The following TBCE variants were observed in gnomAD, a reference collection of about 807,000 sequenced individuals.
TBCE encodes tubulin folding cofactor E, also known as tubulin-specific chaperone E.
A neutral mutation model predicts 77.0 loss-of-function variants in TBCE; 53 were observed. That is an observed-to-expected ratio of 0.69 (90% CI 0.55 to 0.87). TBCE has a LOEUF of 0.87. Among genes scored for constraint, TBCE ranks in the 40% least tolerant of loss-of-function variants. The pLI is 0.00. For missense variants in TBCE, 624 were observed against 622.4 expected, an observed-to-expected ratio of 1.00 and a Z score of -0.03; for synonymous variants, 235 against 241.3, an observed-to-expected ratio of 0.97 and a Z score of 0.24.
chr1:235,427,223 G>C lies in TBCE; in HGVS notation c.544G>C (p.Glu182Gln), dbSNP rs1278817828. The change falls in exon 6 of 17, where the codon GAA becomes CAA. Residue 182 changes from glutamate (E) to glutamine (Q), a missense_variant. Transcript: ENST00000642610. ...IHIADQLRHL[E>Q]VLNVSENKLK... is the part of the protein sequence containing the mutation. ...CATTGCTGATCAGCTCAGACACCTG[G>C]AAGTCCTTAATGTCAGGTATGAACT... The C allele has an allele frequency of 1.2e-6, 2 of 1,612,716 alleles. No homozygotes were observed. The highest frequency in any genetic ancestry group is 1.7e-6 in the Non-Finnish European group (2 of 1,179,034).
At chr1:235,387,532 G>A (rs543330711) in intron 2 of TBCE, among the ~76,000 whole-genome samples, 29 of 152,320 alleles carry the variant, frequency 1.9e-4, no homozygotes, top group Non-Finnish European at 3.5e-4. Flanking sequence ...CCGCGCTGCT[G>A]CCTTGCAGTT....
Position 235,390,089 on chromosome 1 carries a change from C to A in TBCE, c.100+9940C>A, listed in dbSNP as rs143872455. On this transcript the variant is annotated intron_variant, in intron 2 of 16. Transcript: ENST00000642610. ...TGCAGTGAGACGAAATGGCATCACT[C>A]CATTCCAGCCTGGGTGACAGAGTAA... Among the ~76,000 whole-genome samples the A allele has an allele frequency of 5.9e-3, 894 of 151,576 alleles. 3 individuals carry two copies. The highest frequency in any genetic ancestry group is 7.7e-3 in the Admixed American group (117 of 15,218).
Position 235,448,673 on chromosome 1 carries a change from C to A in TBCE, c.1495C>A (p.Pro499Thr), listed in dbSNP as rs1303393927. 1 of 1,613,260 alleles carries A rather than the reference C, an allele frequency of 6.2e-7. No homozygotes were observed. The highest frequency in any genetic ancestry group is 1.7e-5 in the Admixed American group (1 of 60,006). The part of the protein sequence containing the change: ...LLLSYESPKK[P>T]GREIELENDL... ...CCCACCTTCGTTCTAATTTTAGAAG[C>A]CGGGCAGAGAAATCGAGCTGGAAAA... The change falls in exon 17 of 17, where the codon CCG becomes ACG. Residue 499 changes from proline to threonine, a missense_variant. Physicochemically the swap from Pro to Thr is conservative, Grantham distance 38. Transcript: ENST00000642610.
At chr1:235,405,218 T>C (rs1679347213) in intron 3 of TBCE, among the ~76,000 whole-genome samples, 1 of 151,914 alleles carries the variant, frequency 6.6e-6, no homozygotes, top group Non-Finnish European at 1.5e-5. Context: ...CTGCCTTGGC[T>C]TCCCAAATTG....
chr1:235,401,771 C>G (rs1294248283), intron 3 of TBCE, among the ~76,000 whole-genome samples, 184 bp downstream of exon 3: 4 of 146,720 alleles, frequency 2.7e-5, no homozygotes, highest in Non-Finnish European at 6.0e-5. Context: ...GCATTTTTCC[C>G]TTTTTTAAAA....
chr1:235,368,645 C>T (rs1676714975), intron 1 of TBCE, among the ~76,000 whole-genome samples: 1 of 146,538 alleles, frequency 6.8e-6, no homozygotes, highest in South Asian at 2.1e-4. Context: ...TGCAACCACG[C>T]CTCCCAGGTT....
At chr1:235,433,817 C>A in intron 7 of TBCE, 1 of 184,904 alleles carries the variant, frequency 5.4e-6, no homozygotes, top group Admixed American at 5.7e-5. Flanking sequence ...CTTTACAAAC[C>A]CAGATTGGCA....
At chr1:235,413,682 A>C (rs1031710415) in intron 3 of TBCE, among the ~76,000 whole-genome samples, 1 of 151,740 alleles carries the variant, frequency 6.6e-6, no homozygotes, top group Non-Finnish European at 1.5e-5. Context: ...AAAGAAAAAA[A>C]GTAATGATCG....
chr1:235,444,408 T>C (rs756139754), intron 15 of TBCE, among the ~76,000 whole-genome samples: 30 of 152,166 alleles, frequency 2.0e-4, no homozygotes, highest in African/African-American at 4.8e-5. Context: ...ATTTTTGATA[T>C]ATTTTTTTCA....
At chr1:235,411,134 A>G (rs944593582) in intron 3 of TBCE, among the ~76,000 whole-genome samples, 1 of 152,250 alleles carries the variant, frequency 6.6e-6, no homozygotes, top group Admixed American at 6.5e-5. Flanking sequence ...GCCCAGAATT[A>G]GAATAACATT....
At chr1:235,438,255 T>A (rs1483304340) in intron 12 of TBCE, among the ~76,000 whole-genome samples, 1 of 152,174 alleles carries the variant, frequency 6.6e-6, no homozygotes, top group African/African-American at 2.4e-5. Context: ...CTCGCATGAA[T>A]TAAAAGTGTA....
chr1:235,419,310 T>A (rs1680263857), intron 4 of TBCE, 163 bp from the exon 5 acceptor site: 3 of 1,059,170 alleles, frequency 2.8e-6, no homozygotes, highest in Non-Finnish European at 4.1e-6. Context: ...AGTGCTCTTT[T>A]TCTTTTTTGT....
intron 3 of TBCE, among the ~76,000 whole-genome samples, chr1:235,405,446 G>C (rs183140312): frequency 6.6e-6 from 1 of 151,432 alleles, no homozygotes; most frequent in African/African-American, 2.4e-5. Context: ...GACCACCCTG[G>C]CCAACATGGT....
chr1:235,368,549 C>T, intron 1 of TBCE, among the ~76,000 whole-genome samples: 1 of 84,572 alleles, frequency 1.2e-5, no homozygotes, highest in African/African-American at 5.9e-5. Context: ...AGTGGACAGC[C>T]TGCTTTTTTT....
chr1:235,433,532 T>G (rs1277392061), intron 7 of TBCE: 1 of 153,254 alleles, frequency 6.5e-6, no homozygotes, highest in Admixed American at 6.5e-5. Flanking sequence ...ATTTTTGTAT[T>G]TTTAGTGGTA....
chr1:235,394,633 C>A (rs972947148), intron 2 of TBCE, among the ~76,000 whole-genome samples: 1 of 151,648 alleles, frequency 6.6e-6, no homozygotes, highest in Non-Finnish European at 1.5e-5. Flanking sequence ...TTTTGCCAGG[C>A]TGGTGTTTAG....
intron 1 of TBCE, among the ~76,000 whole-genome samples, chr1:235,377,898 G>T (rs908518636): frequency 1.3e-5 from 2 of 151,786 alleles, no homozygotes; most frequent in East Asian, 3.9e-4. Context: ...TGATCCACCC[G>T]CCTCGGCCTC....
intron 14 of TBCE, 85 bp from the exon 15 acceptor site, chr1:235,442,767 T>C: frequency 3.8e-6 from 5 of 1,307,942 alleles, no homozygotes; most frequent in South Asian, 3.7e-5. Context: ...ACCTCTATCA[T>C]TTGGCCATCT....
intron 15 of TBCE, among the ~76,000 whole-genome samples, chr1:235,445,640 TAAAAC>T (rs767339707): frequency 3.3e-5 from 5 of 151,786 alleles, no homozygotes; most frequent in South Asian, 2.1e-4. Flanking sequence ...TGTCTAAAAT[TAAAAC>T]AAAACAAAAC....
Sources: gnomAD v4.1 joint callset for allele counts (sites outside exome capture counted in the v4.1 genomes callset) on GRCh38, gnomAD v4.1.1 for gene constraint, MANE v1.5 for transcripts, NCBI Gene and HGNC (gene_info 2026-07-23, HGNC 2026-07-21) for gene names.